TMTC2: variants seen among roughly 807,000 people sequenced by gnomAD.
TMTC2 encodes the protein protein O-mannosyl-transferase TMTC2.
TMTC2 carries 43 observed loss-of-function variants against 82.4 expected under a neutral mutation model. The ratio of observed to expected loss-of-function variants is 0.52; its 90% CI spans 0.41 to 0.67. TMTC2 has a LOEUF of 0.67. Among genes scored for constraint, TMTC2 ranks in the 30% least tolerant of loss-of-function variants. The pLI is 0.00. For synonymous variants in TMTC2, 408 were observed against 381.9 expected (o/e 1.07, Z -0.80); for missense variants, 919 against 1,012.4 (o/e 0.91, Z 1.25).
intron 1 of TMTC2, among the ~76,000 whole-genome samples, chr12:82,709,119 G>A (rs1397501454): frequency 2.0e-5 from 3 of 148,952 alleles, no homozygotes; most frequent in Non-Finnish European, 4.4e-5. Flanking sequence ...AAAAAGCCAT[G>A]TTTTTGCCGT....
At chr12:82,810,531 G>T (rs1879443202) in intron 1 of TMTC2, among the ~76,000 whole-genome samples, 1 of 151,956 alleles carries the variant, frequency 6.6e-6, no homozygotes, top group Non-Finnish European at 1.5e-5. Flanking sequence ...GGGTCTGTAA[G>T]ATCCTCTTTC....
chr12:83,131,198 C>T (rs1340559340), intron 11 of TMTC2, among the ~76,000 whole-genome samples: 1 of 152,180 alleles, frequency 6.6e-6, no homozygotes, highest in Non-Finnish European at 1.5e-5. Context: ...TTGAAATATG[C>T]ATTTGTGTAA....
chr12:82,789,412 C>G (rs1592523345), intron 1 of TMTC2, among the ~76,000 whole-genome samples: 1 of 152,198 alleles, frequency 6.6e-6, no homozygotes, highest in South Asian at 2.1e-4. Flanking sequence ...ACAATATAAG[C>G]AGACACACAG....
rs373134437 is a variant in TMTC2, at chr12:82,792,506, G to A, written c.84-64504G>A. Among the ~76,000 whole-genome samples, 20 of 151,908 alleles carry A rather than the reference G, an allele frequency of 1.3e-4. No individual in the cohort carries two copies. The South Asian group carries it at 2.7e-3, about 21-fold the overall frequency. ...TAAATTGACAGAGTCTCGCTCTGTC[G>A]CCCAGGATGGAGTGCAGTAATGTGA... On this transcript the variant is annotated intron_variant, in intron 1 of 11. Coordinates refer to ENST00000321196, the MANE Select transcript of TMTC2 (RefSeq NM_152588.3).
intron 7 of TMTC2, among the ~76,000 whole-genome samples, chr12:82,967,340 T>G (rs1371053455): frequency 6.6e-6 from 1 of 152,250 alleles, no homozygotes; most frequent in African/African-American, 2.4e-5. Context: ...AAGTATACAT[T>G]AATTTTAGTA....
chr12:82,797,009 A>C (rs546894584), intron 1 of TMTC2, among the ~76,000 whole-genome samples: 2 of 152,322 alleles, frequency 1.3e-5, no homozygotes, highest in African/African-American at 4.8e-5. Flanking sequence ...TTTGTATAAT[A>C]TAAGACTAAA....
At chr12:82,786,404 G>C (rs573083318) in intron 1 of TMTC2, among the ~76,000 whole-genome samples, 6 of 152,082 alleles carry the variant, frequency 3.9e-5, no homozygotes, top group Non-Finnish European at 7.4e-5. Flanking sequence ...AATTGTAATG[G>C]CTCTCACCGT....
rs1283576973 is a variant in TMTC2, at chr12:83,132,409, T to C, written c.*20T>C. 6.2e-7 allele frequency: 1 copy of C among 1,610,062 alleles called. No homozygotes were observed. The highest frequency in any genetic ancestry group is 8.5e-7 in the Non-Finnish European group (1 of 1,178,834). ...ACCTGACACAGGAGGCAGAAGCCCATCCTCCTCCATTTTTAAAAGCTGGCT... is the reference window on the plus strand; with the variant it reads ...ACCTGACACAGGAGGCAGAAGCCCACCCTCCTCCATTTTTAAAAGCTGGCT... On this transcript the variant is annotated 3_prime_UTR_variant, in exon 12 of 12. Coordinates refer to ENST00000321196, the MANE Select transcript of TMTC2 (RefSeq NM_152588.3).
At chr12:82,887,452 G>T (rs1873157282) in intron 2 of TMTC2, among the ~76,000 whole-genome samples, 1 of 152,160 alleles carries the variant, frequency 6.6e-6, no homozygotes, top group African/African-American at 2.4e-5. Context: ...AACTAATATG[G>T]CAGAGTCTTC....
intron 8 of TMTC2, among the ~76,000 whole-genome samples, chr12:83,024,013 ATGT>A (rs142349004): frequency 6.8e-4 from 104 of 152,286 alleles, no homozygotes; most frequent in African/African-American, 2.4e-3. Context: ...TCTATTTATG[ATGT>A]TGTAATGTTC....
intron 8 of TMTC2, among the ~76,000 whole-genome samples, chr12:83,008,796 G>A (rs190900728): frequency 6.6e-5 from 10 of 152,216 alleles, no homozygotes; most frequent in East Asian, 3.9e-4. Context: ...ACTGGGCCTC[G>A]TTTAGTGTTT....
At chr12:82,687,787 G>C in intron 1 of TMTC2, 118 bp downstream of exon 1, 1 of 972,654 alleles carries the variant, frequency 1.0e-6, no homozygotes, top group Non-Finnish European at 1.5e-6. Flanking sequence ...GCACCTGATG[G>C]TTTAGGCGAC....
chr12:82,956,098 C>T (rs761184723), intron 4 of TMTC2, among the ~76,000 whole-genome samples: 6 of 151,934 alleles, frequency 3.9e-5, no homozygotes, highest in Non-Finnish European at 7.4e-5. Context: ...AACATGGAAA[C>T]AAAATAATGA....
chr12:82,811,995 T>A (rs1476423699), intron 1 of TMTC2, among the ~76,000 whole-genome samples: 2 of 151,804 alleles, frequency 1.3e-5, no homozygotes, highest in Non-Finnish European at 2.9e-5. Flanking sequence ...TTTTTGTAAT[T>A]TTAATAGAGA....
intron 8 of TMTC2, among the ~76,000 whole-genome samples, chr12:82,992,446 G>T (rs1879443245): frequency 1.3e-5 from 2 of 152,042 alleles, no homozygotes; most frequent in South Asian, 4.1e-4. Flanking sequence ...ATTATTATGG[G>T]TATATATAAT....
chr12:83,095,924 G>C (rs1884013960), intron 11 of TMTC2, among the ~76,000 whole-genome samples: 1 of 152,156 alleles, frequency 6.6e-6, no homozygotes, highest in Non-Finnish European at 1.5e-5. Context: ...ACTGCTTCTA[G>C]ATCTGAAGTC....
At chr12:83,051,115 T>G in intron 10 of TMTC2, 97 bp downstream of exon 10, 1 of 776,946 alleles carries the variant, frequency 1.3e-6, no homozygotes, top group African/African-American at 1.8e-5. Flanking sequence ...ACATTCTCAA[T>G]GTGAGTCAAT....
At chr12:83,118,618 C>T (rs1036046520) in intron 11 of TMTC2, among the ~76,000 whole-genome samples, 1 of 152,048 alleles carries the variant, frequency 6.6e-6, no homozygotes, top group African/African-American at 2.4e-5. Context: ...TCAGGGATAT[C>T]AGTCTGTAGT....
At chr12:82,833,223 C>T (rs1055125770) in intron 1 of TMTC2, among the ~76,000 whole-genome samples, 1 of 151,994 alleles carries the variant, frequency 6.6e-6, no homozygotes, top group Non-Finnish European at 1.5e-5. Context: ...TTTTGTTTTA[C>T]CGTAGCATAA....
Sources: gnomAD v4.1 joint callset for allele counts (sites outside exome capture counted in the v4.1 genomes callset) on GRCh38, gnomAD v4.1.1 for gene constraint, MANE v1.5 for transcripts, NCBI Gene and HGNC (gene_info 2026-07-23, HGNC 2026-07-21) for gene names.